RHBDF1: variants seen among roughly 807,000 people sequenced by gnomAD.
RHBDF1 encodes inactive rhomboid protein 1.
In RHBDF1, 80 loss-of-function variants were observed where a neutral mutation model predicts 98.6. That is an observed-to-expected ratio of 0.81 (90% confidence interval 0.68 to 0.98). RHBDF1 has a LOEUF of 0.98. RHBDF1 is among the 50% of genes least tolerant of loss of function. The pLI is 0.00. For missense variants in RHBDF1, 1,116 were observed against 1,198.3 expected, an observed-to-expected ratio of 0.93 and a Z score of 1.01; for synonymous variants, 512 against 486.8, an observed-to-expected ratio of 1.05 and a Z score of -0.68.
At position 61,738 on chromosome 16, in the gene RHBDF1, G is replaced by A. The variant is rs202235681; in HGVS notation, c.1209-42C>T. On this transcript the variant is annotated intron_variant, in intron 8 of 17. Coordinates refer to ENST00000262316, the MANE Select transcript of RHBDF1 (RefSeq NM_022450.5). ...CAGCGGGGGCCTCATCCCCGACCCG[G>A]AGCCCCCACCCTCCCCCGGGAGCCT... is the stretch of plus-strand genomic sequence containing the variant. The A allele has an allele frequency of 1.3e-3, 2,039 of 1,612,288 alleles. 3 individuals are homozygous for A. Among genetic ancestry groups the A allele is most frequent in the Admixed American group, 1.9e-3 (113 of 59,962 alleles).
Position 61,446 on chromosome 16 carries a change from C to A in RHBDF1, c.1334G>T (p.Arg445Leu), listed in dbSNP as rs1390211728. 3.7e-6 allele frequency: 6 copies of A among 1,612,524 alleles called. No individual in the cohort carries two copies. The highest frequency in any genetic ancestry group is 4.2e-6 in the Non-Finnish European group (5 of 1,179,828). The change falls in exon 10 of 18, where the codon CGC becomes CTC. Residue 445 changes from arginine to leucine, a missense_variant. Arg to Leu is a moderately radical substitution (Grantham distance 102). Coordinates refer to ENST00000262316, the MANE Select transcript of RHBDF1 (RefSeq NM_022450.5). The part of the protein sequence containing the change: ...HETVDSVLRN[R>L]GVYENVKYVQ... ...GTACTTGACGTTCTCGTAGACCCCG[C>A]GGTTCCGCAGCACCTGGGAGGTTGG...
rs906764540 is a variant in RHBDF1 at position 64,763 on chromosome 16, G to A, written c.184C>T (p.Pro62Ser). The A allele has an allele frequency of 1.2e-6, 2 of 1,614,112 alleles. No individual in the cohort carries two copies. The highest frequency in any genetic ancestry group is 1.3e-5 in the African/African-American group (1 of 75,044). The change falls in exon 3 of 18, where the codon CCC (proline) becomes TCC (serine). Residue 62 changes from proline (P) to serine (S), a missense_variant. Physicochemically the swap from Pro to Ser is moderately conservative, Grantham distance 74. Transcript: ENST00000262316. ...MPAETAHISS[P>S]HHELRRPVLQ... is the part of the protein sequence containing the mutation. ...ACCGGCCGCCGGAGCTCATGGTGGG[G>A]TGAAGAGATGTGGGCTGTCTCGGCT...
chr16:69,423 C>T (rs2043398263), intron 1 of RHBDF1, among the ~76,000 whole-genome samples: 1 of 152,158 alleles, frequency 6.6e-6, no homozygotes, highest in Non-Finnish European at 1.5e-5. Flanking sequence ...TCAGCTGGAG[C>T]AAGGGGCCTC....
intron 7 of RHBDF1, 49 bp downstream of exon 7, chr16:62,489 C>A: frequency 6.3e-7 from 1 of 1,594,774 alleles, no homozygotes; most frequent in South Asian, 1.1e-5. Flanking sequence ...CTGTTCCTGA[C>A]GGGCCCCGGG....
At chr16:68,104 T>C (rs1023323596) in intron 1 of RHBDF1, among the ~76,000 whole-genome samples, 15 of 152,100 alleles carry the variant, frequency 9.9e-5, no homozygotes, top group Admixed American at 4.6e-4. Flanking sequence ...AGCAGAGTGC[T>C]CAGCTCATGA....
intron 1 of RHBDF1, among the ~76,000 whole-genome samples, chr16:67,332 C>T (rs1377265380): frequency 1.3e-5 from 2 of 152,200 alleles, no homozygotes; most frequent in Non-Finnish European, 2.9e-5. Context: ...CAGGGCCCAG[C>T]GTAGAGACTG....
At chr16:65,596 C>A (rs758602836) in intron 1 of RHBDF1, among the ~76,000 whole-genome samples, 1 of 152,120 alleles carries the variant, frequency 6.6e-6, no homozygotes, top group Non-Finnish European at 1.5e-5. Context: ...AGGAGGCTCA[C>A]CCTAGTCTGT....
intron 1 of RHBDF1, among the ~76,000 whole-genome samples, chr16:71,474 G>T (rs1378143496): frequency 1.3e-5 from 2 of 152,204 alleles, no homozygotes; most frequent in African/African-American, 2.4e-5. Context: ...TAGCTCCACA[G>T]GGGTGAGGAG....
intron 9 of RHBDF1, 55 bp downstream of exon 9, chr16:61,530 G>T (rs999731315): frequency 6.2e-7 from 1 of 1,610,842 alleles, no homozygotes; most frequent in Admixed American, 1.7e-5. Context: ...GGTCGGGAGG[G>T]GGTCCAGTGC....
chr16:67,063 C>T (rs1038296565), intron 1 of RHBDF1, among the ~76,000 whole-genome samples: 2 of 152,212 alleles, frequency 1.3e-5, no homozygotes, highest in Non-Finnish European at 2.9e-5. Flanking sequence ...TCCCCCAGCC[C>T]TCCCTCCACA....
Position 62,603 on chromosome 16 carries a change from C to A in RHBDF1, c.888G>T (p.Pro296=). Residue 296 remains proline, a synonymous_variant, in exon 7 of 18, where the codon CCG becomes CCT. Transcript: ENST00000262316. The stretch of plus-strand genomic sequence containing the variant: ...CCCCGCCGGTGAGGTCCGCCTGCTC[C>A]GGTGCCTTCTCCCAGTCCTTTAGCG... The part of the protein sequence containing the change: ...EAALKDWEKA[P]EQADLTGGAL... 1 of 1,613,808 alleles carries A rather than the reference C, an allele frequency of 6.2e-7. No homozygotes were observed.
chr16:58,092 A>G lies in RHBDF1; in HGVS notation c.*248T>C, dbSNP rs1389960826. On this transcript the variant is annotated 3_prime_UTR_variant, in exon 18 of 18. Transcript: ENST00000262316. ...ATGGCAGCTAAAACGCTCCCAGTCCATTTATTGGCCACATGAGGTGGTCGT... is the reference window on the plus strand; with the variant it reads ...ATGGCAGCTAAAACGCTCCCAGTCCGTTTATTGGCCACATGAGGTGGTCGT... 4.3e-6 allele frequency: 2 copies of G among 464,776 alleles called. No homozygotes were observed. The highest frequency in any genetic ancestry group is 3.9e-5 in the Admixed American group (1 of 25,568). The allele number at this position is 464,776 out of a possible 1,614,324, so 28.8% of individuals were successfully genotyped here. A position where few individuals can be genotyped will look rare whatever the true frequency, so the allele number is the denominator to read the frequency against.
chr16:68,854 C>T (rs374831487), intron 1 of RHBDF1, among the ~76,000 whole-genome samples: 64 of 152,138 alleles, frequency 4.2e-4, no homozygotes, highest in African/African-American at 1.5e-3. Flanking sequence ...TCAAGCTGGC[C>T]GCGTGCACAG....
At chr16:68,068 G>A (rs1040894970) in intron 1 of RHBDF1, among the ~76,000 whole-genome samples, 4 of 151,998 alleles carry the variant, frequency 2.6e-5, no homozygotes, top group Non-Finnish European at 5.9e-5. Context: ...TGTCTCAGCC[G>A]GGGACCACAG....
intron 1 of RHBDF1, among the ~76,000 whole-genome samples, chr16:68,503 G>A (rs940656969): frequency 1.8e-4 from 27 of 152,170 alleles, no homozygotes; most frequent in Admixed American, 5.2e-4. Context: ...CCCCCACCCC[G>A]CTGACCCCTC....
intron 1 of RHBDF1, among the ~76,000 whole-genome samples, chr16:71,326 C>T (rs1897962431): frequency 6.6e-6 from 1 of 152,184 alleles, no homozygotes; most frequent in Non-Finnish European, 1.5e-5. Flanking sequence ...CTGCCCCATT[C>T]TCAGGAAAAG....
At chr16:60,307 C>A (rs769472969) in intron 12 of RHBDF1, 28 bp from the exon 13 acceptor site, 12 of 1,613,534 alleles carry the variant, frequency 7.4e-6, no homozygotes, top group Non-Finnish European at 1.0e-5. Context: ...GTGGTCAGAC[C>A]GGCTTCGAGC....
chr16:63,380 C>T (rs554904020), intron 4 of RHBDF1, among the ~76,000 whole-genome samples, 198 bp from the exon 5 acceptor site: 212 of 152,306 alleles, frequency 1.4e-3, no homozygotes, highest in African/African-American at 4.5e-3. Flanking sequence ...ACACTGGCCC[C>T]CTGGTGCAAT....
chr16:60,633 T>G, intron 11 of RHBDF1, 94 bp from the exon 12 acceptor site: 81 of 759,598 alleles, frequency 1.1e-4, no homozygotes, highest in Middle Eastern at 2.4e-4. Context: ...CACTGAGCTC[T>G]TCCCTCCGCT....
Sources: allele counts gnomAD v4.1 joint callset (sites outside exome capture counted in the v4.1 genomes callset), GRCh38; gene constraint gnomAD v4.1.1; transcripts MANE v1.5; gene names NCBI Gene and HGNC (gene_info 2026-07-23, HGNC 2026-07-21).